Variants in ACACA observed in about 807,000 individuals in gnomAD.
ACACA encodes the protein acetyl-CoA carboxylase alpha, also known as acetyl-CoA carboxylase 1.
In ACACA, 103 loss-of-function variants were observed where a neutral mutation model predicts 296.1. That is an observed-to-expected ratio of 0.35 (90% CI 0.30 to 0.41). The LOEUF (loss-of-function observed/expected upper bound fraction) is 0.41, where lower values mean the gene tolerates loss of function less well. Ranked by LOEUF, ACACA falls within the 10% of genes least tolerant of loss-of-function variation. ACACA has a pLI of 1.00. For synonymous variants in ACACA, 953 were observed against 1,038.6 expected (o/e 0.92, Z 1.58); for missense variants, 1,554 against 2,989.7 (o/e 0.52, Z 11.20).
intron 52 of ACACA, among the ~76,000 whole-genome samples, chr17:37,104,140 A>AG (rs1323473013): frequency 1.3e-5 from 2 of 152,190 alleles, no homozygotes; most frequent in African/African-American, 4.8e-5. Flanking sequence ...TGTAAAAAAA[A>AG]TCTCGTAATG....
Position 37,155,671 on chromosome 17 carries a change from A to G in ACACA, c.5447+12T>C, listed in dbSNP as rs560922019. Reference sequence around the variant, plus strand: ...AGTCATGACCAAATTATTCCAATACATATATACCTACCTGGATTCTCCTTC... The same window carrying G: ...AGTCATGACCAAATTATTCCAATACGTATATACCTACCTGGATTCTCCTTC... On this transcript the variant is annotated intron_variant, in intron 43 of 55. Coordinates refer to ENST00000616317, the MANE Select transcript of ACACA (RefSeq NM_198834.3). The G allele has an allele frequency of 6.4e-7, 1 of 1,571,192 alleles. No homozygotes were observed. Among genetic ancestry groups the G allele is most frequent in the Admixed American group, 1.7e-5 (1 of 59,954 alleles).
chr17:37,293,199 TTAC>T (rs1567954186), intron 3 of ACACA, among the ~76,000 whole-genome samples: 1 of 152,248 alleles, frequency 6.6e-6, no homozygotes, highest in Non-Finnish European at 1.5e-5. Flanking sequence ...TACCGGTTCC[TTAC>T]TACATTGTTT....
At chr17:37,242,758 G>T (rs1194557302) in intron 22 of ACACA, among the ~76,000 whole-genome samples, 1 of 151,714 alleles carries the variant, frequency 6.6e-6, no homozygotes, top group African/African-American at 2.4e-5. Flanking sequence ...TAAATAAACA[G>T]CTGGGCACGG....
At chr17:37,374,462 C>T (rs955904197) in intron 1 of ACACA, among the ~76,000 whole-genome samples, 1 of 151,868 alleles carries the variant, frequency 6.6e-6, no homozygotes, top group African/African-American at 2.4e-5. Flanking sequence ...AATTTTTGTA[C>T]TTTCAGTAGA....
intron 1 of ACACA, chr17:37,392,584 TAA>T (rs1191524037): frequency 6.6e-6 from 1 of 152,132 alleles, no homozygotes; most frequent in Non-Finnish European, 1.5e-5. Flanking sequence ...CTTCTTTTCC[TAA>T]GAGTCTGAAA....
chr17:37,244,862 G>A, intron 20 of ACACA, 128 bp from the exon 21 acceptor site: 4 of 1,413,488 alleles, frequency 2.8e-6, no homozygotes, highest in Non-Finnish European at 4.0e-6. Flanking sequence ...GAAGTCAATA[G>A]AGGAAACATC....
At chr17:37,197,549 CACTA>C (rs1333318519) in intron 35 of ACACA, among the ~76,000 whole-genome samples, 2 of 152,150 alleles carry the variant, frequency 1.3e-5, no homozygotes, top group African/African-American at 4.8e-5. Context: ...TTTCACAGTA[CACTA>C]ACTATGGGGC....
At chr17:37,169,550 A>G (rs1244795458) in intron 41 of ACACA, among the ~76,000 whole-genome samples, 1 of 152,190 alleles carries the variant, frequency 6.6e-6, no homozygotes, top group African/African-American at 2.4e-5. Context: ...CTCTCTAATT[A>G]GTACACTGTT....
chr17:37,302,755 A>G (rs2083687818), intron 3 of ACACA, among the ~76,000 whole-genome samples: 1 of 152,198 alleles, frequency 6.6e-6, no homozygotes, highest in African/African-American at 2.4e-5. Context: ...TAGCATATAG[A>G]AATATACTTA....
chr17:37,122,806 T>C, intron 48 of ACACA, 179 bp from the exon 49 acceptor site: 1 of 684,418 alleles, frequency 1.5e-6, no homozygotes, highest in Non-Finnish European at 2.6e-6. Flanking sequence ...ATTTACTCTC[T>C]AAATATGGTG....
chr17:37,260,273 T>C (rs2081406666), intron 11 of ACACA, among the ~76,000 whole-genome samples: 1 of 28,118 alleles, frequency 3.6e-5, no homozygotes, highest in Non-Finnish European at 5.8e-5. Flanking sequence ...TATATATATA[T>C]ATATATATAT....
intron 3 of ACACA, among the ~76,000 whole-genome samples, chr17:37,305,918 T>G (rs959486985): frequency 1.4e-5 from 2 of 147,188 alleles, no homozygotes; most frequent in African/African-American, 2.5e-5. Context: ...TTTTTTTTTT[T>G]TTTTTTTTGA....
In ACACA at chr17:37,242,016, T is replaced by C. The variant is rs1399070161; in HGVS notation, c.2969A>G (p.Asn990Ser). ...NILDSHAATL[N>S]RKSEREVFFM... The stretch of plus-strand genomic sequence containing the variant: ...GAAGACTTCCCGTTCAGATTTCCGG[T>C]TCAATGTAGCTGCATGGCTATCTAG... Residue 990 changes from asparagine to serine, a missense_variant, in exon 23 of 56, where the codon AAC (asparagine) becomes AGC (serine). Around this residue, in one of 16 missense-constraint regions of ACACA, gnomAD observed 316 missense variants for 540.9 expected, o/e 0.58. Coordinates refer to ENST00000616317, the MANE Select transcript of ACACA (RefSeq NM_198834.3). 1 of 1,613,910 alleles carries C rather than the reference T, an allele frequency of 6.2e-7. No homozygotes were observed. Among genetic ancestry groups the C allele is most frequent in the East Asian group, 2.2e-5 (1 of 44,870 alleles).
chr17:37,142,831 T>C (rs1415527180), intron 45 of ACACA, among the ~76,000 whole-genome samples: 1 of 152,222 alleles, frequency 6.6e-6, no homozygotes, highest in Non-Finnish European at 1.5e-5. Context: ...AGTCAATACA[T>C]GAATGTACTG....
At chr17:37,274,734 T>A (rs1257911256) in intron 8 of ACACA, 1 of 910,144 alleles carries the variant, frequency 1.1e-6, no homozygotes, top group African/African-American at 1.8e-5. Flanking sequence ...AGCAGAGTCA[T>A]GATTCCATGC....
intron 42 of ACACA, among the ~76,000 whole-genome samples, chr17:37,158,381 C>A (rs1020534259): frequency 6.6e-6 from 1 of 152,132 alleles, no homozygotes; most frequent in Admixed American, 6.5e-5. Flanking sequence ...CTAATTCCTG[C>A]ACTTTGGGAG....
rs1319008264 is a variant in ACACA at position 37,278,019 on chromosome 17, C to T, written c.611-14G>A. 11 of 1,586,906 alleles carry T rather than the reference C, an allele frequency of 6.9e-6. No homozygotes were observed. Among genetic ancestry groups the T allele is most frequent in the East Asian group, 2.2e-5 (1 of 44,696 alleles). On this transcript the variant is annotated splice_polypyrimidine_tract_variant and intron_variant, in intron 5 of 55. Coordinates refer to ENST00000616317, the MANE Select transcript of ACACA (RefSeq NM_198834.3). ...TCTTAATGTATTCTGAAAATGCAAG[C>T]GAATTAATAGAGAACACATGATTTT... is the stretch of plus-strand genomic sequence containing the variant.
At chr17:37,335,479 G>A (rs1464085354) in intron 2 of ACACA, among the ~76,000 whole-genome samples, 1 of 152,120 alleles carries the variant, frequency 6.6e-6, no homozygotes, top group Non-Finnish European at 1.5e-5. Flanking sequence ...AATATTTTTT[G>A]TCTGTGGTAC....
intron 2 of ACACA, among the ~76,000 whole-genome samples, chr17:37,331,290 T>C (rs937372876): frequency 6.6e-6 from 1 of 151,402 alleles, no homozygotes; most frequent in African/African-American, 2.4e-5. Context: ...GCTAATTTTT[T>C]GTATTTTTAG....
Sources: gnomAD v4.1 joint callset for allele counts (sites outside exome capture counted in the v4.1 genomes callset) on GRCh38, gnomAD v4.1.1 for gene constraint, gnomAD v4.1.1 regional missense constraint, MANE v1.5 for transcripts, NCBI Gene and HGNC (gene_info 2026-07-23, HGNC 2026-07-21) for gene names.